Variants in SPOCK3 observed in about 807,000 individuals in gnomAD.
SPOCK3 encodes the protein testican-3.
In SPOCK3, 30 loss-of-function variants were observed where a neutral mutation model predicts 56.6. The ratio of observed to expected loss-of-function variants is 0.53; its 90% CI spans 0.40 to 0.72. SPOCK3 has a LOEUF of 0.72. Among genes scored for constraint, SPOCK3 ranks in the 30% least tolerant of loss-of-function variants. The pLI, the probability that SPOCK3 is intolerant of heterozygous loss-of-function variation, is 0.00. For synonymous variants in SPOCK3, 196 were observed against 183.3 expected (o/e 1.07, Z -0.56); for missense variants, 527 against 530.0 (o/e 0.99, Z 0.06).
chr4:167,105,463 T>TAAAAAAAAAAAAAAAAAAAAAAAAATA (rs552028589), intron 2 of SPOCK3, among the ~76,000 whole-genome samples: 2 of 98,696 alleles, frequency 2.0e-5, no homozygotes, highest in African/African-American at 4.2e-5. Flanking sequence ...ACACAAAAAT[T>TAAAAAAAAAAAAAAAAAAAAAAAAATA]AAAAAAAAAA....
intron 7 of SPOCK3, among the ~76,000 whole-genome samples, chr4:166,755,048 C>G (rs1378371444): frequency 6.6e-6 from 1 of 151,834 alleles, no homozygotes; most frequent in Non-Finnish European, 1.5e-5. Flanking sequence ...AATAGTATAT[C>G]ATGATAAATG....
chr4:166,955,155 T>C (rs760166515), intron 4 of SPOCK3, among the ~76,000 whole-genome samples: 6 of 152,124 alleles, frequency 3.9e-5, no homozygotes, highest in Non-Finnish European at 8.8e-5. Flanking sequence ...TCTACAAACA[T>C]ACAAAAGCCT....
rs1230698534 is a variant in SPOCK3, at chr4:167,222,810, TATATAA to T, written c.189+11169_189+11174del. Reference sequence around the variant, plus strand: ...ACATAGATATATATTGATATATGAATATATAAATATATAAACATAGATATATATTGA... The same window carrying T: ...ACATAGATATATATTGATATATGAATATATATAAACATAGATATATATTGA... On this transcript the variant is annotated intron_variant, in intron 2 of 10. Transcript: ENST00000357545. Among the ~76,000 whole-genome samples the T allele has an allele frequency of 5.2e-4, 55 of 106,042 alleles. 3 individuals carry two copies. The highest frequency in any genetic ancestry group is 2.4e-3 in the African/African-American group (52 of 21,928). The allele number at this position is 106,042 out of a possible 152,430, so 69.6% of individuals were successfully genotyped here. A position where few individuals can be genotyped will look rare whatever the true frequency, so the allele number is the denominator to read the frequency against.
chr4:167,056,419 G>GAAT (rs756267690), intron 3 of SPOCK3, among the ~76,000 whole-genome samples: 6 of 152,206 alleles, frequency 3.9e-5, no homozygotes, highest in Non-Finnish European at 7.3e-5. Flanking sequence ...ACCAGCAATG[G>GAAT]AACAAAGCTG....
chr4:167,157,733 G>A (rs1764939548), intron 2 of SPOCK3, among the ~76,000 whole-genome samples: 1 of 151,214 alleles, frequency 6.6e-6, no homozygotes, highest in Non-Finnish European at 1.5e-5. Flanking sequence ...AAATGCTAGT[G>A]CAATTTTTAT....
chr4:167,202,680 C>G (rs1468503653), intron 2 of SPOCK3, among the ~76,000 whole-genome samples: 1 of 151,830 alleles, frequency 6.6e-6, no homozygotes, highest in South Asian at 2.1e-4. Context: ...GACTGCATCA[C>G]CTTCCACCCA....
chr4:166,991,156 G>A (rs1747738932), intron 4 of SPOCK3, among the ~76,000 whole-genome samples: 1 of 151,594 alleles, frequency 6.6e-6, no homozygotes, highest in Non-Finnish European at 1.5e-5. Flanking sequence ...TCTAAAAAAT[G>A]TTATCAGTAT....
Position 167,189,927 on chromosome 4 carries a change from C to T in SPOCK3, c.189+44058G>A, listed in dbSNP as rs1387602790. 2.1e-5 allele frequency among the ~76,000 whole-genome samples: 3 copies of T among 145,722 alleles called. No individual in the cohort carries two copies. The Admixed American group carries it at 2.1e-4, about 10-fold the overall frequency. On this transcript the variant is annotated intron_variant, in intron 2 of 10. Coordinates refer to ENST00000357545, the MANE Select transcript of SPOCK3 (RefSeq NM_001040159.2). Reference sequence around the variant, plus strand: ...TTTACTTAGTATAGGTGAAATCTGTCCTCCAGTTTCATTCATGTTGTCACC... The same window carrying T: ...TTTACTTAGTATAGGTGAAATCTGTTCTCCAGTTTCATTCATGTTGTCACC...
intron 5 of SPOCK3, among the ~76,000 whole-genome samples, chr4:166,896,229 G>A (rs942393450): frequency 6.6e-6 from 1 of 152,070 alleles, no homozygotes; most frequent in Non-Finnish European, 1.5e-5. Flanking sequence ...GTCACCAAGG[G>A]AAATTTTCAC....
intron 2 of SPOCK3, among the ~76,000 whole-genome samples, chr4:167,063,028 C>T (rs926396238): frequency 3.3e-5 from 5 of 151,750 alleles, no homozygotes; most frequent in Non-Finnish European, 7.4e-5. Context: ...TCTGCAGTGG[C>T]CCATGGAGTG....
intron 2 of SPOCK3, among the ~76,000 whole-genome samples, chr4:167,096,828 T>A (rs1759199478): frequency 6.6e-6 from 1 of 151,880 alleles, no homozygotes; most frequent in South Asian, 2.1e-4. Flanking sequence ...TCTGCCTGCT[T>A]GATATATCAA....
chr4:166,794,643 C>CTTTTTTTTTT (rs1170214198), intron 6 of SPOCK3, among the ~76,000 whole-genome samples: 1 of 127,366 alleles, frequency 7.9e-6, no homozygotes, highest in Non-Finnish European at 1.7e-5. Context: ...TTCTTTCTTT[C>CTTTTTTTTTT]TTTTTTTTTT....
intron 2 of SPOCK3, among the ~76,000 whole-genome samples, chr4:167,115,362 T>A (rs1269568205): frequency 6.6e-6 from 1 of 150,632 alleles, no homozygotes; most frequent in African/African-American, 2.4e-5. Flanking sequence ...GAAGAATATC[T>A]GATTGAAATA....
chr4:166,927,653 A>G (rs1188728267), intron 4 of SPOCK3, among the ~76,000 whole-genome samples: 1 of 152,196 alleles, frequency 6.6e-6, no homozygotes, highest in African/African-American at 2.4e-5. Flanking sequence ...GAAAATCTAC[A>G]TCACCTCGGT....
intron 4 of SPOCK3, among the ~76,000 whole-genome samples, chr4:166,971,242 A>AT (rs1191012216): frequency 6.6e-6 from 1 of 152,142 alleles, no homozygotes; most frequent in African/African-American, 2.4e-5. Context: ...CATCATGTAA[A>AT]TAATTCTGCT....
intron 7 of SPOCK3, among the ~76,000 whole-genome samples, chr4:166,767,339 TC>T (rs200314699): frequency 0.33 from 49,919 of 151,698 alleles, 8,362 homozygotes; most frequent in Admixed American, 0.41. Flanking sequence ...GCTATAAATT[TC>T]CCTCTCCACA....
chr4:167,099,232 T>C (rs2150321860), intron 2 of SPOCK3, among the ~76,000 whole-genome samples: 1 of 152,092 alleles, frequency 6.6e-6, no homozygotes, highest in East Asian at 1.9e-4. Context: ...AACTGCAAGA[T>C]TTTAACATTT....
chr4:166,750,030 G>T, intron 8 of SPOCK3, among the ~76,000 whole-genome samples: 1 of 152,078 alleles, frequency 6.6e-6, no homozygotes. Flanking sequence ...CATTTGATCG[G>T]AATTTTGATT....
At chr4:167,091,012 C>A (rs1000974784) in intron 2 of SPOCK3, among the ~76,000 whole-genome samples, 2 of 152,090 alleles carry the variant, frequency 1.3e-5, no homozygotes, top group Admixed American at 1.3e-4. Context: ...CAATTATAAT[C>A]AAATAAAAAT....
Sources: allele counts gnomAD v4.1 joint callset (sites outside exome capture counted in the v4.1 genomes callset), GRCh38; gene constraint gnomAD v4.1.1; transcripts MANE v1.5; gene names NCBI Gene and HGNC (gene_info 2026-07-23, HGNC 2026-07-21).